The following KCNAB1 variants were observed in gnomAD, a reference collection of about 807,000 sequenced individuals.
The protein encoded by KCNAB1 is voltage-gated potassium channel subunit beta-1.
In KCNAB1, 35 loss-of-function variants were observed where a neutral mutation model predicts 64.6. The observed-to-expected ratio is 0.54, with a 90% confidence interval of 0.41 to 0.72. The LOEUF (loss-of-function observed/expected upper bound fraction) is 0.72. KCNAB1 is among the 30% of genes least tolerant of loss of function. KCNAB1 has a pLI of 0.00. For missense variants in KCNAB1, 401 were observed against 512.9 expected, an observed-to-expected ratio of 0.78 and a Z score of 2.11; for synonymous variants, 177 against 183.8, an observed-to-expected ratio of 0.96 and a Z score of 0.30.
chr3:156,143,934 TTTA>T (rs1714889971), intron 1 of KCNAB1, among the ~76,000 whole-genome samples: 1 of 150,900 alleles, frequency 6.6e-6, no homozygotes, highest in South Asian at 2.1e-4. Flanking sequence ...TATTTATTTA[TTTA>T]TTTTTTAAAT....
rs567871938 is a variant in KCNAB1, at chr3:156,127,762, C to T, written c.275+6876C>T. ...AGTAGACATCCCTGGACGGGCACAT[C>T]CACTCCATGGGAGTAGCCAAATGCA... is the stretch of plus-strand genomic sequence containing the variant. On this transcript the variant is annotated intron_variant, in intron 1 of 13. Coordinates refer to ENST00000490337, the MANE Select transcript of KCNAB1 (RefSeq NM_172160.3). Among the ~76,000 whole-genome samples, 3 of 152,292 alleles carry T rather than the reference C, an allele frequency of 2.0e-5. No individual in the cohort carries two copies. The South Asian group carries it at 6.2e-4, about 32-fold the overall frequency.
intron 1 of KCNAB1, among the ~76,000 whole-genome samples, chr3:156,374,515 C>A (rs1372404486): frequency 1.5e-5 from 2 of 135,116 alleles, no homozygotes; most frequent in Non-Finnish European, 3.1e-5. Flanking sequence ...AGAAGGTACA[C>A]CAATATTGAG....
chr3:156,445,444 A>G (rs1008382010), intron 2 of KCNAB1, among the ~76,000 whole-genome samples: 1 of 152,204 alleles, frequency 6.6e-6, no homozygotes, highest in Non-Finnish European at 1.5e-5. Context: ...CACTCCCAGA[A>G]ATTCTGATTT....
intron 7 of KCNAB1, 84 bp downstream of exon 7, chr3:156,465,770 T>C (rs1713321132): frequency 2.7e-6 from 3 of 1,126,650 alleles, no homozygotes; most frequent in Admixed American, 1.8e-5. Context: ...CAGAACACAC[T>C]GGAAGAGGAA....
chr3:156,130,198 A>G (rs142223245), intron 1 of KCNAB1, among the ~76,000 whole-genome samples: 3 of 152,318 alleles, frequency 2.0e-5, no homozygotes, highest in African/African-American at 4.8e-5. Flanking sequence ...ACCACTATCT[A>G]TGTGTTCGCT....
At chr3:156,263,399 A>G (rs1718533818) in intron 1 of KCNAB1, among the ~76,000 whole-genome samples, 1 of 152,066 alleles carries the variant, frequency 6.6e-6, no homozygotes, top group South Asian at 2.1e-4. Flanking sequence ...TATTTAGAAT[A>G]GTCCTATTTA....
chr3:156,223,796 AG>A (rs1268231107), intron 1 of KCNAB1, among the ~76,000 whole-genome samples: 1 of 152,206 alleles, frequency 6.6e-6, no homozygotes, highest in Admixed American at 6.5e-5. Context: ...TCCCCTAGCT[AG>A]ACATAAAGGT....
At chr3:156,217,728 G>T (rs1455861410) in intron 1 of KCNAB1, among the ~76,000 whole-genome samples, 1 of 152,184 alleles carries the variant, frequency 6.6e-6, no homozygotes, top group Non-Finnish European at 1.5e-5. Context: ...CCCTCCAGGG[G>T]ATGGCAAATA....
At chr3:156,437,947 C>T (rs17350157) in intron 2 of KCNAB1, among the ~76,000 whole-genome samples, 8,157 of 152,238 alleles carry the variant, frequency 0.054, 306 homozygotes, top group Non-Finnish European at 0.084. Flanking sequence ...CTACAACATC[C>T]CAACCCACTG....
At chr3:156,268,663 A>G (rs1329187075) in intron 1 of KCNAB1, among the ~76,000 whole-genome samples, 1 of 152,158 alleles carries the variant, frequency 6.6e-6, no homozygotes, top group Non-Finnish European at 1.5e-5. Flanking sequence ...TGCCATTTAT[A>G]TGTCCTCTTT....
intron 1 of KCNAB1, among the ~76,000 whole-genome samples, chr3:156,138,140 A>G (rs1333752089): frequency 1.3e-5 from 2 of 152,204 alleles, no homozygotes; most frequent in South Asian, 2.1e-4. Context: ...CTTGCCACAT[A>G]TAGCTAGACC....
At chr3:156,256,728 C>T (rs1418889121) in intron 1 of KCNAB1, among the ~76,000 whole-genome samples, 1 of 152,174 alleles carries the variant, frequency 6.6e-6, no homozygotes, top group African/African-American at 2.4e-5. Context: ...TAATTTACTC[C>T]TCCAGATATA....
intron 1 of KCNAB1, among the ~76,000 whole-genome samples, chr3:156,412,640 A>G (rs1279232810): frequency 1.3e-5 from 2 of 152,260 alleles, no homozygotes; most frequent in Non-Finnish European, 2.9e-5. Context: ...CAGGGCATGA[A>G]TAATAGTGGC....
intron 11 of KCNAB1, among the ~76,000 whole-genome samples, chr3:156,516,896 A>G (rs1717599967): frequency 1.3e-5 from 2 of 152,236 alleles, no homozygotes. Context: ...CAAAGCTTCT[A>G]TCACTTAAAG....
intron 1 of KCNAB1, among the ~76,000 whole-genome samples, chr3:156,248,939 C>A (rs1717635622): frequency 6.6e-6 from 1 of 152,000 alleles, no homozygotes. Flanking sequence ...ATGTTTGGTC[C>A]ACTTGGGTTA....
At chr3:156,425,481 G>T (rs893624806) in intron 2 of KCNAB1, among the ~76,000 whole-genome samples, 23 of 152,304 alleles carry the variant, frequency 1.5e-4, no homozygotes, top group African/African-American at 4.8e-4. Flanking sequence ...CTACCTGTGG[G>T]TTGCTGTGGC....
chr3:156,394,314 G>A (rs1051798216), intron 1 of KCNAB1, among the ~76,000 whole-genome samples: 8 of 152,202 alleles, frequency 5.3e-5, no homozygotes, highest in Non-Finnish European at 1.2e-4. Context: ...GTCAAGTGTT[G>A]ATTCTGCCAT....
chr3:156,522,841 G>T (rs1044192574), intron 11 of KCNAB1, among the ~76,000 whole-genome samples: 2 of 142,618 alleles, frequency 1.4e-5, no homozygotes, highest in Non-Finnish European at 3.1e-5. Context: ...TATGTATTAT[G>T]TCACAATTAC....
intron 1 of KCNAB1, among the ~76,000 whole-genome samples, chr3:156,154,083 A>G (rs1010224300): frequency 1.7e-4 from 26 of 152,338 alleles, no homozygotes; most frequent in African/African-American, 6.3e-4. Context: ...AGGCCTATTC[A>G]TAGTGGGGCC....
Sources: gnomAD v4.1 joint callset for allele counts (sites outside exome capture counted in the v4.1 genomes callset) on GRCh38, gnomAD v4.1.1 for gene constraint, MANE v1.5 for transcripts, NCBI Gene and HGNC (gene_info 2026-07-23, HGNC 2026-07-21) for gene names.